Variants in KIF6 observed in about 807,000 individuals in gnomAD.
KIF6 encodes kinesin-like protein KIF6.
Under a neutral mutation model 112.7 loss-of-function variants are expected in KIF6, and 106 were observed. The ratio of observed to expected loss-of-function variants is 0.94; its 90% CI spans 0.80 to 1.11. The LOEUF (loss-of-function observed/expected upper bound fraction) is 1.11. Among genes scored for constraint, KIF6 ranks in the 50% least tolerant of loss-of-function variants. The pLI, the probability that KIF6 is intolerant of heterozygous loss-of-function variation, is 0.00. For missense variants in KIF6, 929 were observed against 964.0 expected (o/e 0.96, Z 0.48); for synonymous variants, 339 against 339.9 (o/e 1.00, Z 0.03).
At chr6:39,345,148 C>T (rs565213210) in intron 21 of KIF6, among the ~76,000 whole-genome samples, 9 of 152,380 alleles carry the variant, frequency 5.9e-5, no homozygotes, top group East Asian at 5.8e-4. Flanking sequence ...GCAGTAAGGA[C>T]GGTATGTAAC....
At chr6:39,507,633 CTTTCCCCTTCCTTCCTT>C (rs1405669060) in intron 13 of KIF6, among the ~76,000 whole-genome samples, 24 of 48,018 alleles carry the variant, frequency 5.0e-4, no homozygotes, top group African/African-American at 1.8e-3. Flanking sequence ...CTTTCCTTTC[CTTTCCCCTTCCTTCCTT>C]CCTTCCTTCC....
intron 3 of KIF6, among the ~76,000 whole-genome samples, chr6:39,655,085 C>T (rs1785695016): frequency 6.6e-6 from 1 of 152,074 alleles, no homozygotes; most frequent in Admixed American, 6.6e-5. Flanking sequence ...CAGAAGAGTT[C>T]CTATTTCCTC....
chr6:39,565,226 T>C (rs755975580), intron 10 of KIF6, among the ~76,000 whole-genome samples: 5 of 152,256 alleles, frequency 3.3e-5, no homozygotes, highest in Non-Finnish European at 5.9e-5. Flanking sequence ...AGTAAGTTCT[T>C]TGTGCTCCTG....
At chr6:39,659,277 T>C (rs534915937) in intron 3 of KIF6, among the ~76,000 whole-genome samples, 1 of 152,198 alleles carries the variant, frequency 6.6e-6, no homozygotes, top group Admixed American at 6.5e-5. Flanking sequence ...GTGCTACATA[T>C]AGAAAATATA....
At chr6:39,424,259 C>T (rs1395627702) in intron 14 of KIF6, among the ~76,000 whole-genome samples, 1 of 152,236 alleles carries the variant, frequency 6.6e-6, no homozygotes, top group Non-Finnish European at 1.5e-5. Flanking sequence ...GTCTCCTCCT[C>T]TGGATAGCAT....
chr6:39,570,410 G>T (rs1660116642), intron 10 of KIF6, among the ~76,000 whole-genome samples: 1 of 152,144 alleles, frequency 6.6e-6, no homozygotes, highest in Non-Finnish European at 1.5e-5. Flanking sequence ...TCCAGTGACT[G>T]GAATATTTAA....
At chr6:39,511,861 G>A (rs1776806887) in intron 13 of KIF6, among the ~76,000 whole-genome samples, 1 of 152,162 alleles carries the variant, frequency 6.6e-6, no homozygotes, top group Non-Finnish European at 1.5e-5. Flanking sequence ...ACCAAACACT[G>A]CATGTTCTCA....
chr6:39,524,699 A>G (rs1777603852), intron 13 of KIF6, among the ~76,000 whole-genome samples: 1 of 152,188 alleles, frequency 6.6e-6, no homozygotes, highest in African/African-American at 2.4e-5. Context: ...CCAGCTCCAG[A>G]GCCCCTTGTT....
chr6:39,683,892 AAAGGAGGCAGG>A (rs1787683583), intron 3 of KIF6, among the ~76,000 whole-genome samples: 1 of 151,720 alleles, frequency 6.6e-6, no homozygotes, highest in Non-Finnish European at 1.5e-5. Flanking sequence ...GACATCTGTG[AAAGGAGGCAGG>A]GATAGTAAGG....
intron 3 of KIF6, among the ~76,000 whole-genome samples, chr6:39,672,153 C>CT (rs1266952498): frequency 2.0e-5 from 3 of 152,108 alleles, no homozygotes; most frequent in Admixed American, 6.5e-5. Context: ...AGGAAGTTGA[C>CT]TTTTTTATTT....
At chr6:39,604,635 A>G (rs1782783148) in intron 6 of KIF6, among the ~76,000 whole-genome samples, 1 of 152,174 alleles carries the variant, frequency 6.6e-6, no homozygotes, top group Admixed American at 6.5e-5. Flanking sequence ...ATGTTGTCAA[A>G]GTAGTTTTGT....
chr6:39,685,008 C>T (rs1022155292), intron 3 of KIF6, among the ~76,000 whole-genome samples: 15 of 151,968 alleles, frequency 9.9e-5, no homozygotes, highest in Non-Finnish European at 2.2e-4. Context: ...GGAGAGGGTC[C>T]AGAAATAAAT....
chr6:39,583,677 T>C (rs1429474670), intron 9 of KIF6, among the ~76,000 whole-genome samples: 3 of 48,726 alleles, frequency 6.2e-5, no homozygotes, highest in Admixed American at 4.3e-4. Context: ...TTCACTTCTT[T>C]TTTTTTTTTT....
intron 6 of KIF6, among the ~76,000 whole-genome samples, chr6:39,610,725 A>G (rs1467613176): frequency 6.6e-6 from 1 of 152,184 alleles, no homozygotes; most frequent in Admixed American, 6.5e-5. Context: ...GTATACTTTT[A>G]AAATAATTTA....
intron 13 of KIF6, among the ~76,000 whole-genome samples, chr6:39,452,542 CAGTT>C (rs751956680): frequency 2.0e-4 from 30 of 152,210 alleles, no homozygotes; most frequent in Admixed American, 9.8e-4. Context: ...TTGTTACAAA[CAGTT>C]AGTCTCTGAA....
chr6:39,517,966 G>A (rs1777172616), intron 13 of KIF6, among the ~76,000 whole-genome samples: 1 of 152,144 alleles, frequency 6.6e-6, no homozygotes, highest in Admixed American at 6.5e-5. Flanking sequence ...ATGCTTTCTG[G>A]TCCTGCTTAT....
intron 19 of KIF6, among the ~76,000 whole-genome samples, chr6:39,351,229 CTTTT>C (rs200524823): frequency 1.8e-5 from 1 of 54,326 alleles, no homozygotes; most frequent in African/African-American, 6.0e-5. Flanking sequence ...TCTTTTCTTT[CTTTT>C]TTTTTTCTCT....
intron 6 of KIF6, among the ~76,000 whole-genome samples, chr6:39,605,469 C>CAT (rs1782832827): frequency 6.6e-6 from 1 of 152,042 alleles, no homozygotes. Flanking sequence ...ATACATACTA[C>CAT]ATACCTTGGG....
intron 3 of KIF6, among the ~76,000 whole-genome samples, chr6:39,659,472 A>G (rs904135047): frequency 6.6e-6 from 1 of 152,186 alleles, no homozygotes; most frequent in Non-Finnish European, 1.5e-5. Context: ...TGAATGATCA[A>G]GTGATACGGT....
Sources: allele counts gnomAD v4.1 joint callset (sites outside exome capture counted in the v4.1 genomes callset), GRCh38; gene constraint gnomAD v4.1.1; transcripts MANE v1.5; gene names NCBI Gene and HGNC (gene_info 2026-07-23, HGNC 2026-07-21).